The following NME7 variants were observed in gnomAD, a reference collection of about 807,000 sequenced individuals.
The protein encoded by NME7 is NME/NM23 family member 7.
In NME7, 41 loss-of-function variants were observed where a neutral mutation model predicts 49.1. The ratio of observed to expected loss-of-function variants is 0.83; its 90% confidence interval spans 0.65 to 1.08. NME7 has a LOEUF of 1.08. Among genes scored for constraint, NME7 ranks in the 50% least tolerant of loss-of-function variants. The pLI is 0.00. For synonymous variants in NME7, 139 were observed against 150.6 expected (o/e 0.92, Z 0.56); for missense variants, 423 against 463.4 (o/e 0.91, Z 0.80).
chr1:169,164,559 G>A lies in NME7; in HGVS notation c.1098+4888C>T, dbSNP rs936826518. 2.8e-4 allele frequency among the ~76,000 whole-genome samples: 43 copies of A among 152,292 alleles called. 1 individual carries two copies. Among genetic ancestry groups the A allele is most frequent in the Middle Eastern group, 6.8e-3 (2 of 294 alleles). On this transcript the variant is annotated intron_variant, in intron 11 of 11. Transcript: ENST00000367811. ...GATGAGTAACTTGCCCAGGAGTACA[G>A]AGCTATTTTGACTTGGCTACACCAC... is the stretch of plus-strand genomic sequence containing the variant.
chr1:169,171,751 G>A (rs1210917767), intron 10 of NME7, among the ~76,000 whole-genome samples: 7 of 152,000 alleles, frequency 4.6e-5, no homozygotes, highest in Non-Finnish European at 5.9e-5. Flanking sequence ...GTGAAAGAGC[G>A]AGATTCCATC....
chr1:169,163,205 C>A lies in NME7; in HGVS notation c.1098+6242G>T, dbSNP rs560923252. ...TGGTGACATGAGATGACAACTAACACTGAAGTGGAGAAGAGGGGAGGCGTA... is the reference window on the plus strand; with the variant it reads ...TGGTGACATGAGATGACAACTAACAATGAAGTGGAGAAGAGGGGAGGCGTA... On this transcript the variant is annotated intron_variant, in intron 11 of 11. Transcript: ENST00000367811. 3.3e-5 allele frequency among the ~76,000 whole-genome samples: 5 copies of A among 152,004 alleles called. No individual in the cohort carries two copies. In the South Asian group the frequency reaches 1.0e-3, roughly 32 times the overall value.
At chr1:169,340,929 GAACTTATGT>G (rs974327876) in intron 1 of NME7, among the ~76,000 whole-genome samples, 17 of 152,300 alleles carry the variant, frequency 1.1e-4, no homozygotes, top group African/African-American at 3.8e-4. Context: ...TTTGAGATTG[GAACTTATGT>G]AAAGGTTTGG....
rs530475841 is a variant in NME7 at position 169,287,491 on chromosome 1, T to A, written c.649-83A>T. On this transcript the variant is annotated intron_variant, in intron 6 of 11. Transcript: ENST00000367811. The stretch of plus-strand genomic sequence containing the variant: ...ATATTTCTGTGGGGGAGGAGAATCA[T>A]GCAATTACTTTTAGAGTTTCATCAT... 1.4e-4 allele frequency: 139 copies of A among 976,994 alleles called. No individual in the cohort carries two copies. The African/African-American group carries it at 2.1e-3, about 15-fold the overall frequency. The allele number at this position is 976,994 out of a possible 1,614,324, so 60.5% of individuals were successfully genotyped here.
intron 3 of NME7, among the ~76,000 whole-genome samples, chr1:169,318,007 T>A (rs984632238): frequency 2.0e-5 from 3 of 152,188 alleles, no homozygotes; most frequent in Non-Finnish European, 4.4e-5. Context: ...TGCTTTCACA[T>A]GTTAAGCACA....
At chr1:169,250,495 G>A (rs778676553) in intron 7 of NME7, among the ~76,000 whole-genome samples, 3 of 152,050 alleles carry the variant, frequency 2.0e-5, no homozygotes, top group Non-Finnish European at 4.4e-5. Flanking sequence ...TCTGATCTTT[G>A]TTATTTCTTT....
intron 7 of NME7, among the ~76,000 whole-genome samples, chr1:169,244,508 T>C (rs34599560): frequency 0.38 from 56,777 of 150,898 alleles, 11,326 homozygotes; most frequent in East Asian, 0.78. Context: ...TGGTGGTGGG[T>C]GCCAGTAGTC....
At chr1:169,331,733 T>C (rs1652263697) in intron 1 of NME7, among the ~76,000 whole-genome samples, 2 of 149,580 alleles carry the variant, frequency 1.3e-5, no homozygotes, top group African/African-American at 4.9e-5. Flanking sequence ...ACAAATAAAA[T>C]AAAATACCTA....
At chr1:169,275,151 G>A (rs1473459228) in intron 7 of NME7, among the ~76,000 whole-genome samples, 1 of 131,632 alleles carries the variant, frequency 7.6e-6, no homozygotes, top group East Asian at 2.0e-4. Context: ...ACTGAGCAAT[G>A]GTTTGTAGTT....
chr1:169,138,957 G>T (rs1658511507), intron 11 of NME7, among the ~76,000 whole-genome samples: 1 of 152,160 alleles, frequency 6.6e-6, no homozygotes, highest in African/African-American at 2.4e-5. Context: ...TGTGTTTCAT[G>T]ACTCATCATT....
intron 1 of NME7, among the ~76,000 whole-genome samples, chr1:169,346,345 C>T (rs1652950601): frequency 6.6e-6 from 1 of 152,216 alleles, no homozygotes; most frequent in Non-Finnish European, 1.5e-5. Flanking sequence ...CCACAACTGT[C>T]ACTCTTGCTT....
intron 7 of NME7, among the ~76,000 whole-genome samples, chr1:169,272,454 C>G (rs1403833642): frequency 9.2e-6 from 1 of 108,578 alleles, no homozygotes; most frequent in African/African-American, 3.0e-5. Context: ...CCCCCCGCCC[C>G]CCATGACAGG....
In NME7 at chr1:169,278,868, G is replaced by T. The variant is rs571382485; in HGVS notation, c.754+8435C>A. On this transcript the variant is annotated intron_variant, in intron 7 of 11. Coordinates refer to ENST00000367811, the MANE Select transcript of NME7 (RefSeq NM_013330.5). Reference sequence around the variant, plus strand: ...GATGTACAGATGGGTTTTTGGTGTGGATGTTCTTTCTGTTTGTTAGTTTTC... The same window carrying T: ...GATGTACAGATGGGTTTTTGGTGTGTATGTTCTTTCTGTTTGTTAGTTTTC... Among the ~76,000 whole-genome samples, 91 of 152,224 alleles carry T rather than the reference G, an allele frequency of 6.0e-4. 1 individual carries two copies. Among genetic ancestry groups the T allele is most frequent in the Admixed American group, 2.1e-3 (32 of 15,276 alleles).
intron 11 of NME7, among the ~76,000 whole-genome samples, chr1:169,164,306 A>T (rs537488266): frequency 6.6e-6 from 1 of 152,248 alleles, no homozygotes; most frequent in South Asian, 2.1e-4. Context: ...CCTTTCTTTC[A>T]AAAATCACTT....
At chr1:169,180,498 C>T (rs536677324) in intron 10 of NME7, among the ~76,000 whole-genome samples, 8 of 152,324 alleles carry the variant, frequency 5.3e-5, no homozygotes, top group African/African-American at 1.7e-4. Flanking sequence ...GGGGCAAACT[C>T]TCTTTAAAGG....
intron 6 of NME7, among the ~76,000 whole-genome samples, chr1:169,290,961 T>C (rs1044998370): frequency 1.3e-5 from 2 of 152,152 alleles, no homozygotes; most frequent in African/African-American, 4.8e-5. Flanking sequence ...CACAATGAGA[T>C]ACCATCTCAT....
intron 4 of NME7, chr1:169,303,454 TC>T (rs1651041978): frequency 5.9e-6 from 1 of 170,520 alleles, no homozygotes; most frequent in Non-Finnish European, 1.2e-5. Context: ...TCTATCTTCT[TC>T]TTTTTTTTTT....
Position 169,218,872 on chromosome 1 carries a change from A to G in NME7, c.990+11846T>C, listed in dbSNP as rs184136218. Among the ~76,000 whole-genome samples, 7 of 152,246 alleles carry G rather than the reference A, an allele frequency of 4.6e-5. No homozygotes were observed. The East Asian group carries it at 1.2e-3, about 25-fold the overall frequency. On this transcript the variant is annotated intron_variant, in intron 10 of 11. Transcript: ENST00000367811. ...AGAGACTAAGATTTCAGATGACGTG[A>G]GATACCACTTTTGAATGCAACTCCA...
chr1:169,254,155 T>C (rs1277707095), intron 7 of NME7, among the ~76,000 whole-genome samples: 1 of 149,314 alleles, frequency 6.7e-6, no homozygotes, highest in East Asian at 2.6e-4. Context: ...TTCCTCCTTG[T>C]ACCTCTGGTA....
Sources: allele counts gnomAD v4.1 joint callset (sites outside exome capture counted in the v4.1 genomes callset), GRCh38; gene constraint gnomAD v4.1.1; transcripts MANE v1.5; gene names NCBI Gene and HGNC (gene_info 2026-07-23, HGNC 2026-07-21).